The following DNAJB4 variants were observed in gnomAD, a reference collection of about 807,000 sequenced individuals.
DNAJB4 encodes the protein dnaJ homolog subfamily B member 4.
DNAJB4 carries 10 observed loss-of-function variants against 26.6 expected under a neutral mutation model. The observed-to-expected ratio is 0.38, with a 90% CI of 0.23 to 0.64. The LOEUF (loss-of-function observed/expected upper bound fraction) is 0.64. Ranked by LOEUF, DNAJB4 falls within the 30% of genes least tolerant of loss-of-function variation. The pLI is 0.58. For synonymous variants in DNAJB4, 136 were observed against 134.8 expected, an observed-to-expected ratio of 1.01 and a Z score of -0.06; for missense variants, 328 against 408.2, an observed-to-expected ratio of 0.80 and a Z score of 1.69.
intron 1 of DNAJB4, among the ~76,000 whole-genome samples, chr1:78,008,770 G>A (rs1660393420): frequency 6.6e-6 from 1 of 152,026 alleles, no homozygotes; most frequent in Non-Finnish European, 1.5e-5. Flanking sequence ...TTTCTCTATA[G>A]TTGAATCATT....
intron 2 of DNAJB4, among the ~76,000 whole-genome samples, chr1:78,014,837 G>A (rs920456013): frequency 2.6e-5 from 4 of 152,056 alleles, no homozygotes; most frequent in Admixed American, 2.6e-4. Context: ...TTGACCTCAA[G>A]TAATCCGCCC....
upstream of DNAJB4, among the ~76,000 whole-genome samples, chr1:78,001,142 G>A (rs1557506530): frequency 6.6e-6 from 1 of 151,984 alleles, no homozygotes; most frequent in Non-Finnish European, 1.5e-5. Context: ...CTCAGGAGTT[G>A]GAGACTAGCC....
At chr1:77,996,816 C>T (rs1474362798) in intron 1 of DNAJB4, among the ~76,000 whole-genome samples, 1 of 152,094 alleles carries the variant, frequency 6.6e-6, no homozygotes. Context: ...AGTTAGTTTG[C>T]CATCTTATGT....
At chr1:77,985,844 A>C (rs1255864908) in intron 1 of DNAJB4, among the ~76,000 whole-genome samples, 2 of 152,168 alleles carry the variant, frequency 1.3e-5, no homozygotes, top group African/African-American at 4.8e-5. Context: ...TGCTAGAGAT[A>C]CAGTAGTAAA....
intron 1 of DNAJB4, among the ~76,000 whole-genome samples, chr1:77,985,364 G>A (rs1448298263): frequency 1.3e-5 from 2 of 151,814 alleles, no homozygotes; most frequent in African/African-American, 4.8e-5. Context: ...GTTCCTTTAT[G>A]TTGCTTCATA....
At chr1:78,001,623 C>T (rs1439179943), upstream of DNAJB4, among the ~76,000 whole-genome samples, 2 of 152,190 alleles carry the variant, frequency 1.3e-5, no homozygotes, top group Non-Finnish European at 2.9e-5. Flanking sequence ...ATGAAGATGA[C>T]ATCAACTGAA....
upstream of DNAJB4, among the ~76,000 whole-genome samples, chr1:78,000,442 C>G (rs564294912): frequency 6.6e-6 from 1 of 152,274 alleles, no homozygotes; most frequent in South Asian, 2.1e-4. Context: ...GGTCTTACAG[C>G]TGTAAGTAGT....
intron 1 of DNAJB4, among the ~76,000 whole-genome samples, chr1:77,992,412 C>CAAAAAAAAAAAAAA (rs67649336): frequency 4.2e-5 from 2 of 47,732 alleles, no homozygotes; most frequent in Non-Finnish European, 7.1e-5. Flanking sequence ...GACTCCGTCT[C>CAAAAAAAAAAAAAA]AAAAAAAAAA....
chr1:78,000,710 C>T (rs901329350), upstream of DNAJB4, among the ~76,000 whole-genome samples: 3 of 152,094 alleles, frequency 2.0e-5, no homozygotes, highest in African/African-American at 4.8e-5. Flanking sequence ...CATGGCCAGG[C>T]GTGGTGGCTC....
chr1:78,015,612 C>T (rs1334230993), intron 2 of DNAJB4, among the ~76,000 whole-genome samples: 4 of 141,592 alleles, frequency 2.8e-5, no homozygotes, highest in Non-Finnish European at 6.0e-5. Flanking sequence ...TGCAATGGCA[C>T]GATCTCGGCT....
chr1:77,988,368 T>A lies in DNAJB4; in HGVS notation c.-32+8046T>A, dbSNP rs545221585. Among the ~76,000 whole-genome samples, 10 of 152,304 alleles carry A rather than the reference T, an allele frequency of 6.6e-5. No homozygotes were observed. The South Asian group carries it at 1.7e-3, about 25-fold the overall frequency. On this transcript the variant is annotated intron_variant, in intron 1 of 2. Transcript: ENST00000426517. ...CTTGCCCACCGTCTTTCCCACGCTG[T>A]TAAGAATCAAAGTGACCTATCATTC... is the stretch of plus-strand genomic sequence containing the variant.
upstream of DNAJB4, among the ~76,000 whole-genome samples, chr1:78,000,354 T>A (rs1660162016): frequency 6.6e-6 from 1 of 152,194 alleles, no homozygotes; most frequent in Non-Finnish European, 1.5e-5. Context: ...TTGGTATTAA[T>A]GTTACCAGCT....
chr1:78,000,775 A>G (rs1320965613), upstream of DNAJB4, among the ~76,000 whole-genome samples: 1 of 152,070 alleles, frequency 6.6e-6, no homozygotes, highest in Non-Finnish European at 1.5e-5. Context: ...CGAGGTCAAG[A>G]GTTCAAGACC....
chr1:77,979,884 TTTTG>T (rs375838705), upstream of DNAJB4, among the ~76,000 whole-genome samples: 2,343 of 152,112 alleles, frequency 0.015, 52 homozygotes, highest in African/African-American at 0.053. Context: ...AAGGGTTTTT[TTTTG>T]TTTGTTTGTT....
Position 78,016,313 on chromosome 1 carries a change from T to A in DNAJB4, c.*66T>A, listed in dbSNP as rs1365979420. The A allele has an allele frequency of 7.5e-6, 10 of 1,331,564 alleles. No homozygotes were observed. Among genetic ancestry groups the A allele is most frequent in the Non-Finnish European group, 1.1e-5 (10 of 949,094 alleles). 82.5% of individuals were successfully genotyped at this position (1,331,564 alleles called of 1,614,324 possible). On this transcript the variant is annotated 3_prime_UTR_variant, in exon 3 of 3. Transcript: ENST00000370763. Reference sequence around the variant, plus strand: ...AAATATAAAAGGACTGGTAGTTTACTGATGTAGATGTGAATTCTGTATAAA... The same window carrying A: ...AAATATAAAAGGACTGGTAGTTTACAGATGTAGATGTGAATTCTGTATAAA...
Position 78,012,169 on chromosome 1 carries a change from T to C in DNAJB4, c.212-882T>C, listed in dbSNP as rs547382487. ...TTTTTCTTTTCTTTTCTTTTTTTTT[T>C]TTTTTTTTTTTGAGACAGAGTCTCA... is the stretch of plus-strand genomic sequence containing the variant. On this transcript the variant is annotated intron_variant, in intron 1 of 2. Transcript: ENST00000370763. Among the ~76,000 whole-genome samples the C allele has an allele frequency of 6.9e-4, 93 of 134,106 alleles. 1 individual carries two copies. The East Asian group carries it at 0.018, about 25-fold the overall frequency. The allele number at this position is 134,106 out of a possible 152,430, so 88.0% of individuals were successfully genotyped here.
upstream of DNAJB4, among the ~76,000 whole-genome samples, chr1:78,001,329 G>T (rs895274033): frequency 4.4e-5 from 6 of 137,626 alleles, no homozygotes; most frequent in African/African-American, 1.5e-4. Flanking sequence ...GACAGAGCAA[G>T]CCCCATCTCA....
rs546919104 is a variant in DNAJB4 at position 78,012,338 on chromosome 1, A to AT, written c.212-708dup. ...CCACCACACCTGGCTAATTTTTTGT[A>AT]TTTTTAGTGGAGGCGGGGTTTCACT... On this transcript the variant is annotated intron_variant, in intron 1 of 2. Transcript: ENST00000370763. 6.9e-4 allele frequency among the ~76,000 whole-genome samples: 104 copies of AT among 150,264 alleles called. No homozygotes were observed. The South Asian group carries it at 0.016, about 22-fold the overall frequency.
chr1:78,009,096 T>A (rs1294138724), intron 1 of DNAJB4, among the ~76,000 whole-genome samples: 1 of 152,176 alleles, frequency 6.6e-6, no homozygotes, highest in Non-Finnish European at 1.5e-5. Flanking sequence ...CTTATATATT[T>A]AGCTAGCTGG....
Sources: allele counts gnomAD v4.1 joint callset (sites outside exome capture counted in the v4.1 genomes callset), GRCh38; gene constraint gnomAD v4.1.1; transcripts MANE v1.5; gene names NCBI Gene and HGNC (gene_info 2026-07-23, HGNC 2026-07-21).